Variants in PDE4D observed in about 807,000 individuals in gnomAD.
The protein encoded by PDE4D is 3',5'-cyclic-AMP phosphodiesterase 4D.
Under a neutral mutation model 87.4 loss-of-function variants are expected in PDE4D, and 24 were observed. The ratio of observed to expected loss-of-function variants is 0.27; its 90% CI spans 0.20 to 0.39. The LOEUF (loss-of-function observed/expected upper bound fraction) is 0.39, where lower values mean the gene tolerates loss of function less well. Among genes scored for constraint, PDE4D ranks in the 10% least tolerant of loss-of-function variants. The probability of loss-of-function intolerance (pLI) is 1.00; values close to 1 mark genes in which losing one functional copy is unlikely to be tolerated. For missense variants in PDE4D, 714 were observed against 1,041.0 expected, an observed-to-expected ratio of 0.69 and a Z score of 4.32; for synonymous variants, 384 against 383.2, an observed-to-expected ratio of 1.00 and a Z score of -0.02.
intron 3 of PDE4D, among the ~76,000 whole-genome samples, chr5:59,915,714 T>C (rs1019467626): frequency 6.6e-6 from 1 of 152,244 alleles, no homozygotes; most frequent in African/African-American, 2.4e-5. Context: ...AGGATTGTAT[T>C]ACTTTTCCCT....
intron 1 of PDE4D, among the ~76,000 whole-genome samples, chr5:59,636,002 A>T (rs1832190992): frequency 6.6e-6 from 1 of 152,214 alleles, no homozygotes; most frequent in African/African-American, 2.4e-5. Flanking sequence ...TCTCAGCCCA[A>T]AAACTCCTTA....
Position 59,073,309 on chromosome 5 carries a change from A to G in PDE4D, c.809-34338T>C, listed in dbSNP as rs111518650. The stretch of plus-strand genomic sequence containing the variant: ...AAGCTGGGGAATTCAGGAAGGGTTC[A>G]GATCTAAAGAGCAGACATTTGAGGT... On this transcript the variant is annotated intron_variant, in intron 5 of 14. Coordinates refer to ENST00000340635, the MANE Select transcript of PDE4D (RefSeq NM_001104631.2). Among the ~76,000 whole-genome samples, 1,139 of 152,264 alleles carry G rather than the reference A, an allele frequency of 7.5e-3. 15 individuals are homozygous for G. Among genetic ancestry groups the G allele is most frequent in the African/African-American group, 0.026 (1,071 of 41,550 alleles).
chr5:60,191,733 G>A (rs879709024), intron 1 of PDE4D, among the ~76,000 whole-genome samples: 407 of 152,118 alleles, frequency 2.7e-3, no homozygotes, highest in Non-Finnish European at 4.4e-3. Context: ...ACAGTGGCTC[G>A]TGCCTGTCAT....
chr5:59,602,497 T>G (rs1827654184), intron 1 of PDE4D, among the ~76,000 whole-genome samples: 1 of 151,986 alleles, frequency 6.6e-6, no homozygotes, highest in Non-Finnish European at 1.5e-5. Context: ...AAAATCCCAT[T>G]TATAATAGTT....
chr5:59,965,468 T>C (rs530666519), intron 3 of PDE4D, among the ~76,000 whole-genome samples: 7 of 152,292 alleles, frequency 4.6e-5, no homozygotes, highest in African/African-American at 1.7e-4. Context: ...GTCAACATTA[T>C]ATGCTATGTG....
In PDE4D at chr5:59,144,890, TGGGG is replaced by T. The variant is rs398064847; in HGVS notation, c.808+35701_808+35704del. Among the ~76,000 whole-genome samples the T allele has an allele frequency of 4.2e-3, 183 of 43,802 alleles. 5 individuals carry two copies. The highest frequency in any genetic ancestry group is 9.2e-3 in the African/African-American group (158 of 17,230). 28.7% of individuals were successfully genotyped at this position (43,802 alleles called of 152,430 possible). On this transcript the variant is annotated intron_variant, in intron 5 of 14. Transcript: ENST00000340635. ...CCGTATTCCCTTTAATAGGGTTTAA[TGGGG>T]GGGGGGGGGGGAACCATCCAGAAGC...
intron 9 of PDE4D, 117 bp downstream of exon 9, chr5:58,990,687 A>C (rs570319041): frequency 1.7e-6 from 1 of 603,954 alleles, no homozygotes; most frequent in African/African-American, 1.9e-5. Flanking sequence ...TAAGGATAAA[A>C]GTATAAAAAT....
chr5:60,091,529 G>C (rs1582606726), intron 2 of PDE4D, among the ~76,000 whole-genome samples: 2 of 152,284 alleles, frequency 1.3e-5, no homozygotes, highest in African/African-American at 4.8e-5. Context: ...CTAATACACT[G>C]TTAGTGAGAA....
At chr5:59,016,199 C>T (rs936079720) in intron 6 of PDE4D, among the ~76,000 whole-genome samples, 4 of 152,022 alleles carry the variant, frequency 2.6e-5, no homozygotes, top group African/African-American at 9.7e-5. Flanking sequence ...ATGGGTGCAG[C>T]ACACCAACAT....
chr5:59,749,524 T>C (rs1192638201), intron 1 of PDE4D, among the ~76,000 whole-genome samples: 1 of 152,162 alleles, frequency 6.6e-6, no homozygotes, highest in African/African-American at 2.4e-5. Context: ...GTGCTGGGAT[T>C]ACAGCCGTGA....
rs542389494 is a variant in PDE4D at position 59,014,426 on chromosome 5, G to A, written c.922-20961C>T. Among the ~76,000 whole-genome samples the A allele has an allele frequency of 2.6e-5, 4 of 152,260 alleles. No individual in the cohort carries two copies. The East Asian group carries it at 7.7e-4, about 29-fold the overall frequency. On this transcript the variant is annotated intron_variant, in intron 6 of 14. Transcript: ENST00000340635. ...TCATCTCAGCCCAAAATCTCCTTAA[G>A]CTGATAAACAACTTCAGCAAAGTCT...
intron 1 of PDE4D, among the ~76,000 whole-genome samples, chr5:59,219,807 G>A (rs1204509257): frequency 6.6e-6 from 1 of 152,170 alleles, no homozygotes; most frequent in Non-Finnish European, 1.5e-5. Flanking sequence ...GGGAATTTAA[G>A]AAGTTGCAGG....
chr5:60,076,303 C>T (rs984918878), intron 2 of PDE4D, among the ~76,000 whole-genome samples: 5 of 152,020 alleles, frequency 3.3e-5, no homozygotes, highest in Non-Finnish European at 5.9e-5. Flanking sequence ...GGACTACAGG[C>T]GCCCACTGCC....
At chr5:60,094,561 A>G (rs1002683200) in intron 2 of PDE4D, among the ~76,000 whole-genome samples, 3 of 138,202 alleles carry the variant, frequency 2.2e-5, no homozygotes, top group Non-Finnish European at 3.1e-5. Context: ...TCATTAGGGT[A>G]GGCCCTAACC....
chr5:60,460,245 T>C, intron 1 of PDE4D: 7 of 1,205,936 alleles, frequency 5.8e-6, no homozygotes, highest in Admixed American at 1.7e-5. Flanking sequence ...CAGTGGACTT[T>C]GAAGATGGAT....
chr5:58,997,214 G>A (rs10058681), intron 6 of PDE4D, among the ~76,000 whole-genome samples: 15,331 of 152,028 alleles, frequency 0.1, 1,035 homozygotes, highest in Non-Finnish European at 0.13. Context: ...AAAAGTTTCA[G>A]TCCAGCAAAG....
chr5:59,723,736 C>T (rs766042820), intron 1 of PDE4D, among the ~76,000 whole-genome samples: 1 of 152,140 alleles, frequency 6.6e-6, no homozygotes, highest in Non-Finnish European at 1.5e-5. Flanking sequence ...TTTAGAGATG[C>T]ATTCTGAGAC....
At chr5:59,636,035 A>C (rs527270952) in intron 1 of PDE4D, among the ~76,000 whole-genome samples, 1 of 152,230 alleles carries the variant, frequency 6.6e-6, no homozygotes, top group East Asian at 1.9e-4. Flanking sequence ...ACTTCAGCAA[A>C]GTCTCAGGAT....
At chr5:59,270,236 C>T (rs1404236085) in intron 1 of PDE4D, among the ~76,000 whole-genome samples, 1 of 152,144 alleles carries the variant, frequency 6.6e-6, no homozygotes, top group Admixed American at 6.6e-5. Context: ...CCTGAACCAA[C>T]TTTGACAGTA....
Sources: gnomAD v4.1 joint callset for allele counts (sites outside exome capture counted in the v4.1 genomes callset) on GRCh38, gnomAD v4.1.1 for gene constraint, MANE v1.5 for transcripts, NCBI Gene and HGNC (gene_info 2026-07-23, HGNC 2026-07-21) for gene names.